Variants in CDH8 observed in about 807,000 individuals in gnomAD.
CDH8 encodes cadherin 8.
In CDH8, 17 loss-of-function variants were observed where a neutral mutation model predicts 68.1. The observed-to-expected ratio is 0.25, with a 90% CI of 0.17 to 0.37. CDH8 has a LOEUF of 0.37. Ranked by LOEUF, CDH8 falls within the 10% of genes least tolerant of loss-of-function variation. The pLI is 1.00. For missense variants in CDH8, 763 were observed against 999.3 expected, an observed-to-expected ratio of 0.76 and a Z score of 3.19; for synonymous variants, 372 against 365.1, an observed-to-expected ratio of 1.02 and a Z score of -0.21.
intron 8 of CDH8, among the ~76,000 whole-genome samples, chr16:61,751,272 T>C (rs2142947574): frequency 6.7e-6 from 1 of 150,050 alleles, no homozygotes; most frequent in East Asian, 2.0e-4. Context: ...TAGCTTGATA[T>C]AGACATAGAC....
At chr16:61,838,122 C>A (rs1040629929) in intron 4 of CDH8, among the ~76,000 whole-genome samples, 4 of 151,946 alleles carry the variant, frequency 2.6e-5, no homozygotes, top group African/African-American at 9.7e-5. Flanking sequence ...GCTTTTTATT[C>A]TTTATATTAA....
chr16:61,653,328 C>G lies in CDH8; in HGVS notation c.*280G>C. The G allele has an allele frequency of 8.2e-7, 1 of 1,214,428 alleles. No homozygotes were observed. 75.2% of individuals were successfully genotyped at this position (1,214,428 alleles called of 1,614,324 possible). On this transcript the variant is annotated 3_prime_UTR_variant, in exon 12 of 12. Coordinates refer to ENST00000577390, the MANE Select transcript of CDH8 (RefSeq NM_001796.5). The stretch of plus-strand genomic sequence containing the variant: ...CATTTATCTAAGGATTAGCCAGGAT[C>G]CCAATCTTTGTCTGTGGTGGTCAGG...
At chr16:61,694,686 G>T (rs1964292722) in intron 10 of CDH8, among the ~76,000 whole-genome samples, 1 of 152,056 alleles carries the variant, frequency 6.6e-6, no homozygotes, top group African/African-American at 2.4e-5. Context: ...GAAGTTTTGT[G>T]TCTCTGTGTT....
chr16:61,798,889 A>G (rs956031358), intron 7 of CDH8, among the ~76,000 whole-genome samples: 1 of 152,236 alleles, frequency 6.6e-6, no homozygotes, highest in Non-Finnish European at 1.5e-5. Flanking sequence ...CAAGTACAAC[A>G]AATGGATCAG....
At chr16:61,732,692 A>G (rs1323911198) in intron 8 of CDH8, among the ~76,000 whole-genome samples, 1 of 151,882 alleles carries the variant, frequency 6.6e-6, no homozygotes, top group East Asian at 1.9e-4. Flanking sequence ...AAATAAAGAG[A>G]AAGGAAAACG....
chr16:61,733,041 A>G (rs1240012389), intron 8 of CDH8, among the ~76,000 whole-genome samples: 3 of 151,892 alleles, frequency 2.0e-5, no homozygotes, highest in African/African-American at 7.2e-5. Context: ...TTAAAAACAC[A>G]ATATTATATA....
At chr16:61,924,872 C>T (rs2143430614) in intron 2 of CDH8, among the ~76,000 whole-genome samples, 2 of 152,164 alleles carry the variant, frequency 1.3e-5, no homozygotes, top group East Asian at 1.9e-4. Flanking sequence ...GTAAGACACT[C>T]TTAATGTAGG....
chr16:61,992,077 T>TGTGTGTGTGTGTGTGTGAGA (rs34925928), intron 2 of CDH8, among the ~76,000 whole-genome samples: 190 of 144,220 alleles, frequency 1.3e-3, no homozygotes, highest in African/African-American at 4.7e-3. Context: ...TGTGTGTGTG[T>TGTGTGTGTGTGTGTGTGAGA]GAGAGAGAGA....
chr16:61,650,038 C>G lies in CDH8; in HGVS notation c.*3570G>C, dbSNP rs558616738. On this transcript the variant is annotated 3_prime_UTR_variant, in exon 12 of 12. Transcript: ENST00000577390. ...CTTCTATATATACACATACACTTAA[C>G]TGCAGATTTTTTTCAAAACAGTTTC... 5.3e-5 allele frequency: 8 copies of G among 152,168 alleles called. No individual in the cohort carries two copies. In the South Asian group the frequency reaches 1.7e-3, roughly 32 times the overall value. The allele number at this position is 152,168 out of a possible 1,614,324, so 9.4% of individuals were successfully genotyped here. A position where few individuals can be genotyped will look rare whatever the true frequency, so the allele number is the denominator to read the frequency against.
chr16:61,688,549 T>C (rs1964151153), intron 10 of CDH8, among the ~76,000 whole-genome samples: 1 of 151,848 alleles, frequency 6.6e-6, no homozygotes, highest in Admixed American at 6.6e-5. Context: ...TCTACAATAA[T>C]CCCAAATGCA....
intron 3 of CDH8, among the ~76,000 whole-genome samples, chr16:61,878,996 T>C (rs1299367798): frequency 6.6e-6 from 1 of 152,154 alleles, no homozygotes; most frequent in Non-Finnish European, 1.5e-5. Flanking sequence ...TTTGATCCCT[T>C]CTATCTGAGT....
At chr16:61,657,417 ACTT>A (rs936245330) in intron 10 of CDH8, among the ~76,000 whole-genome samples, 1 of 152,094 alleles carries the variant, frequency 6.6e-6, no homozygotes, top group Non-Finnish European at 1.5e-5. Context: ...TGTTTTCTGA[ACTT>A]CTTCTGGTTG....
chr16:62,007,585 C>G (rs562152658), intron 2 of CDH8, among the ~76,000 whole-genome samples: 1 of 127,608 alleles, frequency 7.8e-6, no homozygotes, highest in Non-Finnish European at 1.8e-5. Context: ...AAATGCACAA[C>G]TTTCCAAAGC....
intron 2 of CDH8, among the ~76,000 whole-genome samples, chr16:61,920,126 G>A (rs1964334063): frequency 1.4e-5 from 2 of 145,410 alleles, no homozygotes; most frequent in Non-Finnish European, 3.0e-5. Context: ...AGACTTAAAT[G>A]TTAGACCTAA....
chr16:61,787,601 AAAGGACTATAAATCATGCTG>A (rs1961257855), intron 8 of CDH8, among the ~76,000 whole-genome samples: 2 of 140,880 alleles, frequency 1.4e-5, no homozygotes, highest in African/African-American at 5.5e-5. Context: ...GTATATACCC[AAAGGACTATAAATCATGCTG>A]CTATAAAGAC....
chr16:61,706,470 A>G (rs1194736102), intron 10 of CDH8, among the ~76,000 whole-genome samples: 1 of 152,036 alleles, frequency 6.6e-6, no homozygotes, highest in Non-Finnish European at 1.5e-5. Context: ...GCAAAAAAAA[A>G]ATTAGCCGGG....
At chr16:61,768,366 C>T (rs1960673067) in intron 8 of CDH8, among the ~76,000 whole-genome samples, 2 of 96,216 alleles carry the variant, frequency 2.1e-5, no homozygotes, top group African/African-American at 4.4e-5. Context: ...CTCTCTCTCT[C>T]TCCCTTTCTC....
intron 3 of CDH8, among the ~76,000 whole-genome samples, chr16:61,886,021 G>A (rs1243158165): frequency 6.6e-6 from 1 of 152,144 alleles, no homozygotes; most frequent in Non-Finnish European, 1.5e-5. Context: ...AGTTCAAGGA[G>A]ACGCATGATC....
At chr16:61,776,625 G>T (rs1960905451) in intron 8 of CDH8, among the ~76,000 whole-genome samples, 1 of 152,090 alleles carries the variant, frequency 6.6e-6, no homozygotes, top group African/African-American at 2.4e-5. Flanking sequence ...CTCTGGATTA[G>T]GTTGGGTAGT....
Sources: allele counts gnomAD v4.1 joint callset (sites outside exome capture counted in the v4.1 genomes callset), GRCh38; gene constraint gnomAD v4.1.1; transcripts MANE v1.5; gene names NCBI Gene and HGNC (gene_info 2026-07-23, HGNC 2026-07-21).